The following SERINC5 variants were observed in gnomAD, a reference collection of about 807,000 sequenced individuals.
SERINC5 encodes chromosome 5 open reading frame 12.
A neutral mutation model predicts 63.1 loss-of-function variants in SERINC5; 41 were observed. That is an observed-to-expected ratio of 0.65 (90% confidence interval 0.51 to 0.84). The LOEUF (loss-of-function observed/expected upper bound fraction) is 0.84, where lower values mean the gene tolerates loss of function less well. SERINC5 is among the 40% of genes least tolerant of loss of function. The probability of loss-of-function intolerance (pLI) is 0.00; values close to 1 mark genes in which losing one functional copy is unlikely to be tolerated. For missense variants in SERINC5, 523 were observed against 573.0 expected (o/e 0.91, Z 0.89); for synonymous variants, 222 against 215.2 (o/e 1.03, Z -0.28).
chr5:80,203,257 CATAT>C (rs35653111), intron 1 of SERINC5: 4 of 257,216 alleles, frequency 1.6e-5, no homozygotes, highest in Non-Finnish European at 3.0e-5. Context: ...TATATATACA[CATAT>C]ATATATATAT....
chr5:80,244,374 C>A (rs1411475715), intron 1 of SERINC5, among the ~76,000 whole-genome samples: 1 of 151,968 alleles, frequency 6.6e-6, no homozygotes, highest in Non-Finnish European at 1.5e-5. Context: ...TGCCACCAGG[C>A]CTGGCTAATT....
At chr5:80,208,217 T>C (rs1194833807) in intron 1 of SERINC5, among the ~76,000 whole-genome samples, 1 of 151,912 alleles carries the variant, frequency 6.6e-6, no homozygotes. Flanking sequence ...CTTTAGGTGG[T>C]AGTGATGTGT....
At chr5:80,229,957 T>G (rs1751364777) in intron 1 of SERINC5, among the ~76,000 whole-genome samples, 1 of 152,082 alleles carries the variant, frequency 6.6e-6, no homozygotes, top group African/African-American at 2.4e-5. Context: ...AGGCCAGAGG[T>G]TTACAGGGCT....
At chr5:80,169,055 G>A (rs951837237) in intron 6 of SERINC5, among the ~76,000 whole-genome samples, 1 of 152,160 alleles carries the variant, frequency 6.6e-6, no homozygotes, top group Non-Finnish European at 1.5e-5. Flanking sequence ...CCCATTTAAA[G>A]GCTCTTTGTG....
chr5:80,171,608 T>C lies in SERINC5; in HGVS notation c.552-2062A>G, dbSNP rs192404270. 1.8e-3 allele frequency among the ~76,000 whole-genome samples: 279 copies of C among 152,328 alleles called. 2 individuals carry two copies. Among genetic ancestry groups the C allele is most frequent in the African/African-American group, 6.5e-3 (272 of 41,566 alleles). On this transcript the variant is annotated intron_variant, in intron 5 of 11. Coordinates refer to ENST00000507668, the MANE Select transcript of SERINC5 (RefSeq NM_001174072.3). ...GTGATGATGGCTAGCAGTAAGGTAT[T>C]GTATATTACAAAACAGCTAGAGGAG...
intron 1 of SERINC5, among the ~76,000 whole-genome samples, chr5:80,234,833 G>A (rs1204204984): frequency 2.0e-5 from 3 of 152,150 alleles, no homozygotes; most frequent in Non-Finnish European, 4.4e-5. Context: ...TAGACACAGT[G>A]TTCTTTAACC....
Position 80,187,814 on chromosome 5 carries a change from TCA to T in SERINC5, c.196-9752_196-9751del, listed in dbSNP as rs577461420. On this transcript the variant is annotated intron_variant, in intron 2 of 11. Coordinates refer to ENST00000507668, the MANE Select transcript of SERINC5 (RefSeq NM_001174072.3). ...TGAATATTTTGTCAGAATCAAACAG[TCA>T]CAGATAGGATTAAGCAGCCAGAAAG... is the stretch of plus-strand genomic sequence containing the variant. 1.7e-3 allele frequency among the ~76,000 whole-genome samples: 255 copies of T among 152,224 alleles called. 1 individual carries two copies. The highest frequency in any genetic ancestry group is 0.014 in the Middle Eastern group (4 of 294).
intron 2 of SERINC5, among the ~76,000 whole-genome samples, chr5:80,183,281 C>T (rs80178249): frequency 0.03 from 4,615 of 152,092 alleles, 238 homozygotes; most frequent in African/African-American, 0.1. Flanking sequence ...ATGGCATTGC[C>T]GTTTGGGGTG....
chr5:80,119,372 A>G (rs189032417), intron 11 of SERINC5, among the ~76,000 whole-genome samples: 15 of 152,324 alleles, frequency 9.8e-5, no homozygotes, highest in Admixed American at 9.8e-4. Flanking sequence ...TAGACAGCCA[A>G]TATCACCAAT....
In SERINC5 at chr5:80,113,316, T is replaced by C. The variant is rs918466807; in HGVS notation, c.*29+256A>G. The stretch of plus-strand genomic sequence containing the variant: ...TTGTCCATTATCTTCTTTTATTTTT[T>C]CCCAATTTGGTAGGTAAAACTAGTA... On this transcript the variant is annotated intron_variant, in intron 12 of 12. Transcript: ENST00000509193. 3.1e-4 allele frequency among the ~76,000 whole-genome samples: 47 copies of C among 152,190 alleles called. 1 individual carries two copies. The highest frequency in any genetic ancestry group is 3.1e-4 in the Non-Finnish European group (21 of 68,028).
At chr5:80,120,415 G>A (rs1265256419) in intron 11 of SERINC5, among the ~76,000 whole-genome samples, 1 of 152,212 alleles carries the variant, frequency 6.6e-6, no homozygotes, top group Non-Finnish European at 1.5e-5. Context: ...GTATGCCTGA[G>A]TTACTAGGTA....
rs185234912 is a variant in SERINC5 at position 80,153,008 on chromosome 5, C to T, written c.987-2060G>A. Among the ~76,000 whole-genome samples the T allele has an allele frequency of 1.7e-3, 252 of 152,278 alleles. 1 individual carries two copies. Among genetic ancestry groups the T allele is most frequent in the Middle Eastern group, 0.01 (3 of 294 alleles). ...AAATTCTTTGGGTTAACGTAATTTC[C>T]GGAAAACAAAGCTCTTGATTTGGGC... is the stretch of plus-strand genomic sequence containing the variant. On this transcript the variant is annotated intron_variant, in intron 8 of 11. Coordinates refer to ENST00000507668, the MANE Select transcript of SERINC5 (RefSeq NM_001174072.3).
intron 9 of SERINC5, among the ~76,000 whole-genome samples, chr5:80,148,975 G>T (rs939266527): frequency 1.3e-5 from 2 of 152,166 alleles, no homozygotes; most frequent in African/African-American, 4.8e-5. Flanking sequence ...CCCAAGACAC[G>T]GTATGCTGAG....
chr5:80,177,502 G>T, intron 3 of SERINC5, 105 bp from the exon 4 acceptor site: 1 of 888,904 alleles, frequency 1.1e-6, no homozygotes, highest in Admixed American at 2.3e-5. Context: ...TTCTGCCATT[G>T]GCCAATGTTC....
At chr5:80,188,178 G>A (rs1314701582) in intron 2 of SERINC5, among the ~76,000 whole-genome samples, 4 of 151,590 alleles carry the variant, frequency 2.6e-5, no homozygotes, top group African/African-American at 9.7e-5. Context: ...AGCTACTCGG[G>A]AGGCTGAGAC....
intron 7 of SERINC5, among the ~76,000 whole-genome samples, chr5:80,159,646 T>C (rs1404328688): frequency 1.3e-5 from 2 of 152,200 alleles, no homozygotes; most frequent in African/African-American, 4.8e-5. Flanking sequence ...ATTAGAGGGC[T>C]GGGACTTTCA....
intron 8 of SERINC5, chr5:80,156,981 G>A (rs1174499170): frequency 6.9e-6 from 1 of 145,098 alleles, no homozygotes; most frequent in South Asian, 2.1e-4. Flanking sequence ...TTATTTAAAG[G>A]GTTTTTTTTT....
At chr5:80,220,165 GCCA>G (rs1284638778) in intron 1 of SERINC5, among the ~76,000 whole-genome samples, 1 of 151,602 alleles carries the variant, frequency 6.6e-6, no homozygotes. Flanking sequence ...CCCAGACAGC[GCCA>G]CCATACTCCA....
chr5:80,177,472 T>TACA, intron 3 of SERINC5, 75 bp from the exon 4 acceptor site: 1 of 1,153,846 alleles, frequency 8.7e-7, no homozygotes, highest in Non-Finnish European at 1.3e-6. Context: ...TCGTAGAAGG[T>TACA]ACAGCATGTC....
Sources: allele counts gnomAD v4.1 joint callset (sites outside exome capture counted in the v4.1 genomes callset), GRCh38; gene constraint gnomAD v4.1.1; transcripts MANE v1.5; gene names NCBI Gene and HGNC (gene_info 2026-07-23, HGNC 2026-07-21).